Variants in APP observed in about 807,000 individuals in gnomAD.
APP encodes amyloid beta precursor protein, also known as amyloid-beta precursor protein.
Under a neutral mutation model 101.4 loss-of-function variants are expected in APP, and 31 were observed. The observed-to-expected ratio is 0.31, with a 90% CI of 0.23 to 0.41. The LOEUF is 0.41. Ranked by LOEUF, APP falls within the 10% of genes least tolerant of loss-of-function variation. APP has a pLI of 1.00. For missense variants in APP, 839 were observed against 1,003.7 expected, an observed-to-expected ratio of 0.84 and a Z score of 2.22; for synonymous variants, 366 against 364.4, an observed-to-expected ratio of 1.00 and a Z score of -0.05.
intron 1 of APP, among the ~76,000 whole-genome samples, chr21:26,126,791 G>A (rs1324712748): frequency 1.3e-5 from 2 of 152,020 alleles, no homozygotes; most frequent in South Asian, 2.1e-4. Context: ...CTTTACTTAG[G>A]GGGAAAGAGT....
chr21:25,933,276 T>C (rs1385913800), intron 13 of APP, among the ~76,000 whole-genome samples: 1 of 152,146 alleles, frequency 6.6e-6, no homozygotes, highest in Non-Finnish European at 1.5e-5. Context: ...TTTTTAAATA[T>C]TTGTTTTGTA....
intron 2 of APP, among the ~76,000 whole-genome samples, chr21:26,106,014 G>A (rs942166338): frequency 6.6e-6 from 1 of 152,224 alleles, no homozygotes; most frequent in African/African-American, 2.4e-5. Flanking sequence ...AGATACGGTG[G>A]TGGCTCCAAG....
intron 3 of APP, among the ~76,000 whole-genome samples, chr21:26,081,743 T>C (rs923802277): frequency 6.6e-6 from 1 of 152,240 alleles, no homozygotes; most frequent in Non-Finnish European, 1.5e-5. Context: ...TTAGTTTTTA[T>C]GTTTCTCCTT....
intron 3 of APP, among the ~76,000 whole-genome samples, chr21:26,074,821 G>T (rs1326628975): frequency 1.3e-5 from 2 of 152,058 alleles, no homozygotes; most frequent in African/African-American, 4.8e-5. Context: ...TGAATCTAAT[G>T]GTATGTTTTA....
intron 6 of APP, among the ~76,000 whole-genome samples, chr21:26,007,955 CT>C (rs1198384525): frequency 6.6e-6 from 1 of 152,092 alleles, no homozygotes; most frequent in Non-Finnish European, 1.5e-5. Flanking sequence ...CAAGCTTGAA[CT>C]GAAGTCTTAT....
chr21:26,029,227 T>A (rs111875373), intron 5 of APP, among the ~76,000 whole-genome samples: 6 of 152,118 alleles, frequency 3.9e-5, no homozygotes, highest in African/African-American at 1.4e-4. Flanking sequence ...TCAATGAGAT[T>A]TAAGTTGCAA....
intron 6 of APP, among the ~76,000 whole-genome samples, chr21:26,011,281 G>A (rs1375646814): frequency 6.6e-6 from 1 of 151,934 alleles, no homozygotes. Context: ...TCACCATGTT[G>A]GCCAGGTTGG....
intron 5 of APP, among the ~76,000 whole-genome samples, chr21:26,039,067 A>G (rs955398263): frequency 2.0e-5 from 3 of 152,170 alleles, no homozygotes; most frequent in Admixed American, 2.0e-4. Context: ...GGATGCGTCT[A>G]TTACACCTGG....
intron 8 of APP, among the ~76,000 whole-genome samples, chr21:25,986,897 C>A (rs759937703): frequency 3.9e-5 from 6 of 152,132 alleles, no homozygotes; most frequent in African/African-American, 1.4e-4. Context: ...TATTTTATTG[C>A]GTAGAGGCAA....
intron 13 of APP, among the ~76,000 whole-genome samples, chr21:25,918,565 C>T (rs2039472722): frequency 1.3e-5 from 2 of 151,928 alleles, no homozygotes; most frequent in Admixed American, 6.6e-5. Flanking sequence ...ATTGCCTCAC[C>T]TGGGAAGCGC....
chr21:26,165,673 C>G (rs1387650894), intron 1 of APP, among the ~76,000 whole-genome samples: 1 of 152,224 alleles, frequency 6.6e-6, no homozygotes, highest in Non-Finnish European at 1.5e-5. Context: ...CCCATTTTAA[C>G]TATCTTCTTT....
At chr21:26,010,450 C>T (rs988209833) in intron 6 of APP, among the ~76,000 whole-genome samples, 1 of 151,864 alleles carries the variant, frequency 6.6e-6, no homozygotes, top group African/African-American at 2.4e-5. Context: ...TTTTCTTATA[C>T]AATAAAAAAT....
intron 16 of APP, 105 bp downstream of exon 16, chr21:25,897,468 T>TTTTTATC: frequency 1.1e-6 from 1 of 937,102 alleles, no homozygotes; most frequent in Middle Eastern, 2.1e-4. Context: ...AAGCATTGTA[T>TTTTTATC]TTTTATCTTT....
At chr21:26,125,497 G>GGA (rs1219928479) in intron 1 of APP, among the ~76,000 whole-genome samples, 2 of 152,192 alleles carry the variant, frequency 1.3e-5, no homozygotes, top group Non-Finnish European at 2.9e-5. Flanking sequence ...GGAAGCACCA[G>GGA]GAGTAACAGG....
intron 8 of APP, among the ~76,000 whole-genome samples, chr21:25,994,303 T>C (rs2042973685): frequency 6.6e-6 from 1 of 152,200 alleles, no homozygotes; most frequent in South Asian, 2.1e-4. Flanking sequence ...TCAGCTCTCG[T>C]AAGATTCTTT....
intron 13 of APP, among the ~76,000 whole-genome samples, chr21:25,912,425 T>C (rs2039124656): frequency 6.6e-6 from 1 of 152,190 alleles, no homozygotes; most frequent in Non-Finnish European, 1.5e-5. Context: ...CCTTGCACAC[T>C]TGCAAGGATA....
At chr21:26,136,202 A>G (rs1033411058) in intron 1 of APP, among the ~76,000 whole-genome samples, 1 of 100,700 alleles carries the variant, frequency 9.9e-6, no homozygotes, top group African/African-American at 4.2e-5. Context: ...AGAAAGAAAG[A>G]AAAGAAAAGA....
intron 9 of APP, among the ~76,000 whole-genome samples, chr21:25,979,842 G>GA (rs55818627): frequency 1 from 152,000 of 152,000 alleles, 76,000 homozygotes; most frequent in Non-Finnish European, 1. Context: ...GGTCCACGAT[G>GA]AATGCAGGTA....
At chr21:26,105,519 T>C (rs938366931) in intron 2 of APP, among the ~76,000 whole-genome samples, 1 of 148,980 alleles carries the variant, frequency 6.7e-6, no homozygotes, top group African/African-American at 2.4e-5. Flanking sequence ...AATAAAAACA[T>C]GAAGTTAAAA....
Sources: allele counts gnomAD v4.1 joint callset (sites outside exome capture counted in the v4.1 genomes callset), GRCh38; gene constraint gnomAD v4.1.1; transcripts MANE v1.5; gene names NCBI Gene and HGNC (gene_info 2026-07-23, HGNC 2026-07-21).